The following HOMER1 variants were observed in gnomAD, a reference collection of about 807,000 sequenced individuals.
The protein encoded by HOMER1 is homer scaffold protein 1.
In HOMER1, 3 loss-of-function variants were observed where a neutral mutation model predicts 48.9. The ratio of observed to expected loss-of-function variants is 0.06; its 90% confidence interval spans 0.03 to 0.16. HOMER1 has a LOEUF of 0.16. Ranked by LOEUF, HOMER1 falls within the 10% of genes least tolerant of loss-of-function variation. The probability of loss-of-function intolerance (pLI) is 1.00; values close to 1 mark genes in which losing one functional copy is unlikely to be tolerated. For missense variants in HOMER1, 247 were observed against 411.4 expected (o/e 0.60, Z 3.46); for synonymous variants, 134 against 146.4 (o/e 0.92, Z 0.61).
At chr5:79,496,255 T>A (rs1443656272) in intron 1 of HOMER1, among the ~76,000 whole-genome samples, 1 of 152,000 alleles carries the variant, frequency 6.6e-6, no homozygotes, top group Non-Finnish European at 1.5e-5. Context: ...GCAATGAAAT[T>A]CCCACCCCTT....
At position 79,512,778 on chromosome 5, in the gene HOMER1, G is replaced by A. The variant is rs1368068221; in HGVS notation, c.-4C>T. 6.2e-7 allele frequency: 1 copy of A among 1,613,366 alleles called. No homozygotes were observed. Among genetic ancestry groups the A allele is most frequent in the African/African-American group, 1.3e-5 (1 of 74,884 alleles). On this transcript the variant is annotated 5_prime_UTR_variant, in exon 1 of 9. Coordinates refer to ENST00000334082, the MANE Select transcript of HOMER1 (RefSeq NM_004272.5). The stretch of plus-strand genomic sequence containing the variant: ...AGCACAAAAATCCTTACCCCATTTT[G>A]CCCAATGAAAACTTGCTCTGAAGTT...
intron 6 of HOMER1, among the ~76,000 whole-genome samples, chr5:79,398,092 A>C (rs9293778): frequency 0.47 from 71,521 of 151,954 alleles, 19,828 homozygotes; most frequent in African/African-American, 0.77. Context: ...CTTAAAATAC[A>C]ACTTAAATCA....
chr5:79,425,659 G>T (rs924376518), intron 5 of HOMER1, among the ~76,000 whole-genome samples: 15 of 151,884 alleles, frequency 9.9e-5, no homozygotes, highest in Non-Finnish European at 1.9e-4. Context: ...GTTTTAAAAA[G>T]GTGAAAAGAT....
At chr5:79,395,675 C>CCAT (rs1749365247) in intron 8 of HOMER1, among the ~76,000 whole-genome samples, 1 of 151,956 alleles carries the variant, frequency 6.6e-6, no homozygotes, top group Non-Finnish European at 1.5e-5. Flanking sequence ...GGTTTAAAGC[C>CCAT]CATGTCTTTG....
intron 1 of HOMER1, among the ~76,000 whole-genome samples, chr5:79,458,276 T>G (rs1196321164): frequency 1.3e-5 from 2 of 152,112 alleles, no homozygotes; most frequent in Non-Finnish European, 2.9e-5. Flanking sequence ...AAGCAGCATT[T>G]ATCAAGCTTG....
chr5:79,437,875 T>C (rs756862953), intron 5 of HOMER1, among the ~76,000 whole-genome samples: 2 of 152,156 alleles, frequency 1.3e-5, no homozygotes, highest in African/African-American at 4.8e-5. Context: ...CAGGCTGATC[T>C]TGAACTCCTG....
intron 1 of HOMER1, among the ~76,000 whole-genome samples, chr5:79,483,837 C>T (rs1379465939): frequency 6.6e-6 from 1 of 150,540 alleles, no homozygotes; most frequent in Non-Finnish European, 1.5e-5. Flanking sequence ...GGTGGATCAC[C>T]TGAGGTCAGG....
At chr5:79,445,202 A>C (rs907759182) in intron 4 of HOMER1, among the ~76,000 whole-genome samples, 3 of 152,192 alleles carry the variant, frequency 2.0e-5, no homozygotes. Flanking sequence ...GTTCCATGTA[A>C]ATCTGCTACT....
chr5:79,475,548 C>A (rs1258508554), intron 1 of HOMER1, among the ~76,000 whole-genome samples: 1 of 151,422 alleles, frequency 6.6e-6, no homozygotes, highest in African/African-American at 2.4e-5. Flanking sequence ...TCATGTCATC[C>A]TTCTCAGAAT....
chr5:79,390,241 G>A (rs946436957), intron 8 of HOMER1, among the ~76,000 whole-genome samples: 3 of 152,166 alleles, frequency 2.0e-5, no homozygotes, highest in Non-Finnish European at 4.4e-5. Flanking sequence ...ATCTGTGATT[G>A]TGCCACTGGC....
intron 5 of HOMER1, among the ~76,000 whole-genome samples, chr5:79,420,426 A>G (rs1040944777): frequency 1.2e-4 from 18 of 152,132 alleles, no homozygotes; most frequent in Admixed American, 7.9e-4. Context: ...TACCCACTGG[A>G]AGGATGAGTT....
intron 5 of HOMER1, among the ~76,000 whole-genome samples, chr5:79,427,234 T>C (rs1461847709): frequency 6.6e-6 from 1 of 152,192 alleles, no homozygotes; most frequent in East Asian, 1.9e-4. Context: ...AAACACAAGC[T>C]AAGTCTTTTT....
chr5:79,396,809 T>G lies in HOMER1; in HGVS notation c.876+14A>C, dbSNP rs749550413. On this transcript the variant is annotated intron_variant, in intron 8 of 8. Coordinates refer to ENST00000334082, the MANE Select transcript of HOMER1 (RefSeq NM_004272.5). ...TCTATGCAGAAGTGAATAACAATTT[T>G]TACTACAGCTCACCTGTAGTTTCTG... The G allele has an allele frequency of 2.6e-6, 4 of 1,511,298 alleles. No individual in the cohort carries two copies. In the South Asian group the frequency reaches 4.6e-5, roughly 17 times the overall value. The allele number at this position is 1,511,298 out of a possible 1,614,324, so 93.6% of individuals were successfully genotyped here.
chr5:79,455,618 G>C (rs900901272), intron 2 of HOMER1, among the ~76,000 whole-genome samples: 13 of 152,172 alleles, frequency 8.5e-5, no homozygotes, highest in African/African-American at 3.1e-4. Context: ...GTATGAGAAT[G>C]GACTAATATA....
chr5:79,394,790 G>T (rs752784243), intron 8 of HOMER1, among the ~76,000 whole-genome samples: 7 of 152,156 alleles, frequency 4.6e-5, no homozygotes, highest in Non-Finnish European at 8.8e-5. Context: ...GGTTGGCCTT[G>T]AACTCCTGGC....
intron 1 of HOMER1, among the ~76,000 whole-genome samples, chr5:79,491,082 A>C (rs1752261356): frequency 8.9e-5 from 7 of 78,330 alleles, no homozygotes; most frequent in African/African-American, 6.2e-4. Flanking sequence ...AAGCAAAAAA[A>C]AAAAAAAAAA....
chr5:79,408,446 C>A (rs1749726020), intron 5 of HOMER1, among the ~76,000 whole-genome samples: 1 of 151,938 alleles, frequency 6.6e-6, no homozygotes. Flanking sequence ...AAATGTAGAT[C>A]TACACAGAGA....
chr5:79,468,888 T>C lies in HOMER1; in HGVS notation c.6-11870A>G, dbSNP rs535501431. ...AATGGTATTTCACTGTAGTTTCAAT[T>C]TGCATATGCCTGATCACTAGAGAGC... On this transcript the variant is annotated intron_variant, in intron 1 of 8. Transcript: ENST00000334082. 2.0e-5 allele frequency among the ~76,000 whole-genome samples: 3 copies of C among 152,318 alleles called. No homozygotes were observed. In the South Asian group the frequency reaches 6.2e-4, roughly 32 times the overall value.
intron 3 of HOMER1, among the ~76,000 whole-genome samples, chr5:79,448,444 G>A (rs1026967745): frequency 6.6e-6 from 1 of 152,040 alleles, no homozygotes; most frequent in African/African-American, 2.4e-5. Context: ...AAAAGTGACA[G>A]CTTAGATTTC....
Sources: gnomAD v4.1 joint callset for allele counts (sites outside exome capture counted in the v4.1 genomes callset) on GRCh38, gnomAD v4.1.1 for gene constraint, MANE v1.5 for transcripts, NCBI Gene and HGNC (gene_info 2026-07-23, HGNC 2026-07-21) for gene names.